The following QNG1 variants were observed in gnomAD, a reference collection of about 807,000 sequenced individuals.
QNG1 encodes Q-nucleotide N-glycosylase 1.
chr9:83,951,970 T>A, the QNG1 span, among the ~76,000 whole-genome samples: 5 of 152,136 alleles, frequency 3.3e-5, no homozygotes, highest in African/African-American at 1.2e-4. Context: ...ACATGACTAG[T>A]TTGTGCAAAT....
At chr9:83,940,076 A>G in the QNG1 span, among the ~76,000 whole-genome samples, 1 of 152,180 alleles carries the variant, frequency 6.6e-6, no homozygotes, top group Non-Finnish European at 1.5e-5. Flanking sequence ...GTTATTAAAA[A>G]GATGGAATTT....
chr9:83,944,625 A>G, the QNG1 span, among the ~76,000 whole-genome samples: 1 of 152,238 alleles, frequency 6.6e-6, no homozygotes, highest in Admixed American at 6.6e-5. Flanking sequence ...AGTGTAAACA[A>G]AAAGAAAAAT....
At chr9:83,942,751 T>C in the QNG1 span, among the ~76,000 whole-genome samples, 1 of 152,368 alleles carries the variant, frequency 6.6e-6, no homozygotes, top group East Asian at 1.9e-4. Context: ...CAAAAGAATT[T>C]GTCCACCCTG....
At chr9:83,955,914 G>A in the QNG1 span, among the ~76,000 whole-genome samples, 1 of 152,090 alleles carries the variant, frequency 6.6e-6, no homozygotes, top group East Asian at 1.9e-4. Context: ...TCATTCAAAT[G>A]GCATTCTTTA....
At chr9:83,940,584 G>A in the QNG1 span, among the ~76,000 whole-genome samples, 3 of 152,166 alleles carry the variant, frequency 2.0e-5, no homozygotes, top group Non-Finnish European at 2.9e-5. Context: ...AAACTGTAGT[G>A]AGCGAGGTAG....
chr9:83,952,923 G>A, the QNG1 span, among the ~76,000 whole-genome samples: 33 of 149,800 alleles, frequency 2.2e-4, no homozygotes, highest in African/African-American at 6.4e-4. Flanking sequence ...TGGTGTCACC[G>A]CACTACAGCC....
chr9:83,939,778 G>C, the QNG1 span: 1 of 1,397,280 alleles, frequency 7.2e-7, no homozygotes, highest in Non-Finnish European at 1.0e-6. Context: ...AAAATTAATA[G>C]TCAATGATAC....
the QNG1 span, chr9:83,953,725 T>G: frequency 2.6e-6 from 3 of 1,176,078 alleles, no homozygotes; most frequent in Admixed American, 6.2e-5. Context: ...TGGCGTAATC[T>G]CGGCTCACTG....
chr9:83,956,572 G>T, the QNG1 span: 1 of 1,343,728 alleles, frequency 7.4e-7, no homozygotes, highest in Non-Finnish European at 1.0e-6. Context: ...TGCGCCTTGC[G>T]CTACTACGAA....
the QNG1 span, among the ~76,000 whole-genome samples, chr9:83,952,919 C>T: frequency 6.7e-6 from 1 of 149,458 alleles, no homozygotes; most frequent in Non-Finnish European, 1.5e-5. Flanking sequence ...GAGATGGTGT[C>T]ACCGCACTAC....
the QNG1 span, among the ~76,000 whole-genome samples, chr9:83,946,463 A>G: frequency 6.6e-6 from 1 of 152,228 alleles, no homozygotes; most frequent in South Asian, 2.1e-4. Flanking sequence ...CAGCTAGAAA[A>G]TGATCATATT....
At chr9:83,948,327 G>T in the QNG1 span, among the ~76,000 whole-genome samples, 1 of 102,118 alleles carries the variant, frequency 9.8e-6, no homozygotes, top group African/African-American at 2.7e-5. Flanking sequence ...CAGCCGCCCC[G>T]TCTGGGAAGT....
chr9:83,955,457 C>T, the QNG1 span: 2 of 1,614,186 alleles, frequency 1.2e-6, no homozygotes, highest in Non-Finnish European at 1.7e-6. Context: ...ACTATTCTCA[C>T]TTTCTCGGAC....
chr9:83,950,047 C>T, the QNG1 span, among the ~76,000 whole-genome samples: 1 of 147,116 alleles, frequency 6.8e-6, no homozygotes, highest in Non-Finnish European at 1.5e-5. Flanking sequence ...AAACATTTTC[C>T]TATTTTTTTT....
the QNG1 span, among the ~76,000 whole-genome samples, chr9:83,948,592 C>A: frequency 1.3e-5 from 2 of 152,188 alleles, no homozygotes; most frequent in Admixed American, 6.5e-5. Context: ...GTCTGGGAGG[C>A]ATGCCCAACA....
chr9:83,939,691 C>G, the QNG1 span: 63 of 1,614,148 alleles, frequency 3.9e-5, 3 homozygotes, highest in African/African-American at 4.5e-4. Flanking sequence ...CACACCAAAG[C>G]GAGCACCCTC....
the QNG1 span, chr9:83,938,406 C>T: frequency 1.3e-5 from 2 of 151,874 alleles, no homozygotes; most frequent in Non-Finnish European, 2.9e-5. Context: ...TCATGATGTA[C>T]AAAACCCACT....
the QNG1 span, among the ~76,000 whole-genome samples, chr9:83,947,844 G>A: frequency 6.6e-6 from 1 of 152,228 alleles, no homozygotes; most frequent in Non-Finnish European, 1.5e-5. Context: ...GAGTGCAGTA[G>A]CGTGATCTCG....
chr9:83,952,829 G>C, the QNG1 span, among the ~76,000 whole-genome samples: 4 of 150,592 alleles, frequency 2.7e-5, no homozygotes, highest in Non-Finnish European at 4.4e-5. Flanking sequence ...TTAGCTGTGC[G>C]TGGTAGTGGG....
Sources: allele counts gnomAD v4.1 joint callset (sites outside exome capture counted in the v4.1 genomes callset), GRCh38; gene constraint gnomAD v4.1.1; transcripts MANE v1.5; gene names NCBI Gene and HGNC (gene_info 2026-07-23, HGNC 2026-07-21).